The following PNPT1 variants were observed in gnomAD, a reference collection of about 807,000 sequenced individuals.
PNPT1 encodes polyribonucleotide nucleotidyltransferase 1, mitochondrial.
Under a neutral mutation model 119.5 loss-of-function variants are expected in PNPT1, and 53 were observed. The observed-to-expected ratio is 0.44, with a 90% CI of 0.36 to 0.56. The LOEUF (loss-of-function observed/expected upper bound fraction) is 0.56. Among genes scored for constraint, PNPT1 ranks in the 20% least tolerant of loss-of-function variants. The pLI is 0.00. For missense variants in PNPT1, 948 were observed against 938.5 expected (o/e 1.01, Z -0.13); for synonymous variants, 357 against 322.1 (o/e 1.11, Z -1.16).
chr2:55,683,493 A>G (rs1439747630), intron 5 of PNPT1, among the ~76,000 whole-genome samples: 2 of 151,860 alleles, frequency 1.3e-5, no homozygotes, highest in African/African-American at 4.8e-5. Flanking sequence ...CGTGCCTGTA[A>G]TCCCAGCTAC....
chr2:55,654,962 A>G lies in PNPT1; in HGVS notation c.1442-9T>C. 1 of 1,611,190 alleles carries G rather than the reference A, an allele frequency of 6.2e-7. No homozygotes were observed. The highest frequency in any genetic ancestry group is 8.5e-7 in the Non-Finnish European group (1 of 1,178,350). On this transcript the variant is annotated splice_polypyrimidine_tract_variant and intron_variant, in intron 17 of 27. Transcript: ENST00000447944. ...TGCCATAGAAGATGACCCTATAGAA[A>G]GAAAAATAACTGCTTTATATTAAAC... is the stretch of plus-strand genomic sequence containing the variant.
At chr2:55,667,504 G>T (rs1435571444) in intron 12 of PNPT1, among the ~76,000 whole-genome samples, 1 of 151,788 alleles carries the variant, frequency 6.6e-6, no homozygotes, top group East Asian at 1.9e-4. Context: ...TGAGGCAGGA[G>T]AATGACGTGA....
chr2:55,671,378 T>C lies in PNPT1; in HGVS notation c.919-2A>G. On this transcript the variant is annotated splice_acceptor_variant, in intron 10 of 27. Transcript: ENST00000447944. LOFTEE classifies it high-confidence loss of function. ...GTTAACAGCTTCATCTCTGGAAACCTAAAAGAAAGTTGAGGTTCAGTTATT... is the reference window on the plus strand; with the variant it reads ...GTTAACAGCTTCATCTCTGGAAACCCAAAAGAAAGTTGAGGTTCAGTTATT... 1 of 1,524,842 alleles carries C rather than the reference T, an allele frequency of 6.6e-7. No homozygotes were observed. The highest frequency in any genetic ancestry group is 8.8e-7 in the Non-Finnish European group (1 of 1,132,226). The allele number at this position is 1,524,842 out of a possible 1,614,324, so 94.5% of individuals were successfully genotyped here.
At chr2:55,662,660 C>T (rs933450907) in intron 13 of PNPT1, among the ~76,000 whole-genome samples, 3 of 151,946 alleles carry the variant, frequency 2.0e-5, no homozygotes, top group Admixed American at 6.6e-5. Context: ...GGCAACAGAG[C>T]GAGACTCTGT....
chr2:55,682,004 A>G (rs994539844), intron 5 of PNPT1, among the ~76,000 whole-genome samples: 2 of 151,988 alleles, frequency 1.3e-5, no homozygotes, highest in Admixed American at 6.6e-5. Flanking sequence ...TTAGCCAGGC[A>G]TGTTGGCAGG....
At chr2:55,660,805 T>C (rs1424775024) in intron 14 of PNPT1, among the ~76,000 whole-genome samples, 1 of 152,164 alleles carries the variant, frequency 6.6e-6, no homozygotes, top group African/African-American at 2.4e-5. Flanking sequence ...GACCTAAGAC[T>C]AGAATATATG....
At chr2:55,672,692 T>C (rs1055385451) in intron 9 of PNPT1, among the ~76,000 whole-genome samples, 2 of 152,238 alleles carry the variant, frequency 1.3e-5, no homozygotes, top group African/African-American at 4.8e-5. Context: ...TCATTTGAGA[T>C]TCAAAGTTAG....
At chr2:55,687,238 G>C (rs1034064616) in intron 2 of PNPT1, among the ~76,000 whole-genome samples, 1 of 134,052 alleles carries the variant, frequency 7.5e-6, no homozygotes, top group Non-Finnish European at 1.6e-5. Context: ...AAAAGAGATC[G>C]AGACCATCCT....
At chr2:55,660,896 A>C (rs1696546444) in intron 14 of PNPT1, among the ~76,000 whole-genome samples, 1 of 152,084 alleles carries the variant, frequency 6.6e-6, no homozygotes, top group Non-Finnish European at 1.5e-5. Flanking sequence ...AGATACATGG[A>C]AAACAATTAC....
rs34928857 is a variant in PNPT1 at position 55,673,071 on chromosome 2, C to T, written c.688G>A (p.Glu230Lys). 1 of 1,572,350 alleles carries T rather than the reference C, an allele frequency of 6.4e-7. No individual in the cohort carries two copies. The highest frequency in any genetic ancestry group is 1.4e-5 in the African/African-American group (1 of 72,008). ...GAPKSQIVML[E>K]ASAENILQQD... Reference sequence around the variant, plus strand: ...TGTAAAATGTTCTCTGCAGAGGCTTCCAACATGACTATTTAAAGGAAAAAG... The same window carrying T: ...TGTAAAATGTTCTCTGCAGAGGCTTTCAACATGACTATTTAAAGGAAAAAG... Residue 230 changes from glutamate to lysine, a missense_variant, in exon 9 of 28, where the codon GAA (glutamate) becomes AAA (lysine). By Grantham distance (56) the Glu-to-Lys change is moderately conservative. Transcript: ENST00000447944.
chr2:55,679,616 T>C, intron 8 of PNPT1, 66 bp downstream of exon 8: 1 of 1,178,460 alleles, frequency 8.5e-7, no homozygotes, highest in South Asian at 1.3e-5. Flanking sequence ...AGAGTTTAAA[T>C]TCAGTTTAAG....
At chr2:55,673,967 C>G (rs1696990067) in intron 8 of PNPT1, among the ~76,000 whole-genome samples, 1 of 152,210 alleles carries the variant, frequency 6.6e-6, no homozygotes, top group Non-Finnish European at 1.5e-5. Flanking sequence ...AGGTGATTAA[C>G]CCGCCTCAGC....
intron 17 of PNPT1, 38 bp downstream of exon 17, chr2:55,656,093 G>T: frequency 6.3e-7 from 1 of 1,588,840 alleles, no homozygotes; most frequent in Non-Finnish European, 8.5e-7. Context: ...AGGGAATATG[G>T]TCTTTTCTAC....
chr2:55,660,153 T>G lies in PNPT1; in HGVS notation c.1284+4A>C, dbSNP rs755065532. 1 of 1,584,136 alleles carries G rather than the reference T, an allele frequency of 6.3e-7. No homozygotes were observed. Among genetic ancestry groups the G allele is most frequent in the South Asian group, 1.2e-5 (1 of 85,002 alleles). ...AAAATTTTGAGGAAAAAAATTCACC[T>G]TACCTCGTAGTGCAGCATGAAATTT... On this transcript the variant is annotated splice_donor_region_variant and intron_variant, in intron 15 of 27. Transcript: ENST00000447944.
chr2:55,642,299 A>G (rs975514732), intron 25 of PNPT1, among the ~76,000 whole-genome samples: 3 of 152,138 alleles, frequency 2.0e-5, no homozygotes, highest in African/African-American at 4.8e-5. Context: ...AATTACTAGT[A>G]GAAAATTTGG....
chr2:55,661,136 C>T (rs547645498), intron 14 of PNPT1, among the ~76,000 whole-genome samples: 6 of 127,114 alleles, frequency 4.7e-5, no homozygotes, highest in East Asian at 2.3e-4. Flanking sequence ...CTCGCTCTGT[C>T]GTCCAGGCTG....
intron 11 of PNPT1, among the ~76,000 whole-genome samples, chr2:55,668,793 T>A (rs999066926): frequency 9.9e-5 from 15 of 151,788 alleles, no homozygotes; most frequent in Non-Finnish European, 1.5e-5. Flanking sequence ...AGAGACGGGG[T>A]TTCTCCACGT....
At chr2:55,689,671 A>G (rs1376911169) in intron 1 of PNPT1, among the ~76,000 whole-genome samples, 1 of 152,210 alleles carries the variant, frequency 6.6e-6, no homozygotes, top group Non-Finnish European at 1.5e-5. Flanking sequence ...TGGAAAGTAG[A>G]TTAGTGGTTA....
intron 8 of PNPT1, among the ~76,000 whole-genome samples, chr2:55,676,236 G>A (rs1267702169): frequency 1.5e-5 from 2 of 133,710 alleles, no homozygotes; most frequent in East Asian, 4.1e-4. Flanking sequence ...TCCAGCCTGG[G>A]CGACAGAGTA....
Sources: allele counts gnomAD v4.1 joint callset (sites outside exome capture counted in the v4.1 genomes callset), GRCh38; gene constraint gnomAD v4.1.1; transcripts MANE v1.5; gene names NCBI Gene and HGNC (gene_info 2026-07-23, HGNC 2026-07-21).